Variants in MACROH2A1 observed in about 807,000 individuals in gnomAD.
MACROH2A1 encodes core histone macro-H2A.1.
Under a neutral mutation model 31.6 loss-of-function variants are expected in MACROH2A1, and 2 were observed. The ratio of observed to expected loss-of-function variants is 0.06; its 90% CI spans 0.03 to 0.20. The LOEUF is 0.20. MACROH2A1 is among the 10% of genes least tolerant of loss of function. The pLI is 1.00. For synonymous variants in MACROH2A1, 169 were observed against 189.6 expected (o/e 0.89, Z 0.89); for missense variants, 230 against 474.0 (o/e 0.49, Z 4.78).
In MACROH2A1 at chr5:135,345,987, C is replaced by A; in HGVS notation, c.759G>T (p.Gly253=). 6.2e-7 allele frequency: 1 copy of A among 1,612,846 alleles called. No homozygotes were observed. The highest frequency in any genetic ancestry group is 8.5e-7 in the Non-Finnish European group (1 of 1,178,786). ...CCTCACCTCCAGCTACTTCCAAGGG[C>A]CCGTTCTTTTTCCGGAGTTCCAGGA... ...EAVLELRKKN[G]PLEVAGAAVS... Residue 253 remains glycine (G), a synonymous_variant, in exon 7 of 9, where the codon GGG becomes GGT. Coordinates refer to ENST00000511689, the MANE Select transcript of MACROH2A1 (RefSeq NM_138610.3).
intron 4 of MACROH2A1, among the ~76,000 whole-genome samples, chr5:135,363,822 C>T (rs1014610278): frequency 1.3e-5 from 2 of 152,226 alleles, no homozygotes; most frequent in African/African-American, 2.4e-5. Context: ...TCTCCACATC[C>T]TCTTCAGCAC....
chr5:135,355,708 C>T (rs373236349), intron 5 of MACROH2A1: 8 of 200,872 alleles, frequency 4.0e-5, no homozygotes, highest in East Asian at 1.3e-4. Flanking sequence ...TGATCATGAA[C>T]GAAGACAGTA....
chr5:135,355,250 C>T (rs1466357712), intron 5 of MACROH2A1: 3 of 455,940 alleles, frequency 6.6e-6, no homozygotes, highest in South Asian at 3.1e-5. Context: ...GCGAACAGAA[C>T]TCAAGCTCAT....
At chr5:135,399,479 A>G (rs545637903), upstream of MACROH2A1, 20 of 152,384 alleles carry the variant, frequency 1.3e-4, no homozygotes, top group African/African-American at 4.6e-4. The surrounding 1 kb of genome is among the most constrained non-coding windows in gnomAD (Gnocchi z 4.5). Context: ...AGGCCCCTGG[A>G]GAGGAGCTTC....
intron 5 of MACROH2A1, chr5:135,354,238 C>T (rs1761917170): frequency 6.6e-6 from 1 of 152,250 alleles, no homozygotes; most frequent in Non-Finnish European, 1.5e-5. Flanking sequence ...GAGCAAGTTG[C>T]TGCATTTCTA....
At chr5:135,357,967 G>A (rs772171739) in intron 5 of MACROH2A1, 32 of 985,304 alleles carry the variant, frequency 3.2e-5, no homozygotes, top group Middle Eastern at 5.2e-4. Flanking sequence ...CAATCTTCAA[G>A]CACTGGTTTC....
At chr5:135,371,976 C>T (rs1440101070) in intron 2 of MACROH2A1, among the ~76,000 whole-genome samples, 3 of 152,178 alleles carry the variant, frequency 2.0e-5, no homozygotes, top group Non-Finnish European at 2.9e-5. Context: ...ATGCAAATAA[C>T]CTGCTGTATG....
chr5:135,335,297 A>G (rs1378015531), intron 8 of MACROH2A1, among the ~76,000 whole-genome samples, 156 bp from the exon 9 acceptor site: 1 of 152,184 alleles, frequency 6.6e-6, no homozygotes, highest in Non-Finnish European at 1.5e-5. Context: ...AGTGTGGGAA[A>G]GCCCAGTGCC....
chr5:135,381,111 C>A, intron 2 of MACROH2A1, among the ~76,000 whole-genome samples: 1 of 152,164 alleles, frequency 6.6e-6, no homozygotes, highest in Admixed American at 6.5e-5. Context: ...AAGGTGGCAT[C>A]TCAGATCACC....
chr5:135,338,484 C>T (rs909444214), intron 8 of MACROH2A1, among the ~76,000 whole-genome samples: 6 of 152,222 alleles, frequency 3.9e-5, no homozygotes, highest in East Asian at 3.9e-4. Flanking sequence ...CTTCCACCCT[C>T]GTCCCTGGGA....
intron 2 of MACROH2A1, among the ~76,000 whole-genome samples, chr5:135,379,335 C>T (rs997326270): frequency 1.3e-5 from 2 of 152,096 alleles, no homozygotes; most frequent in Non-Finnish European, 2.9e-5. Flanking sequence ...ATGGAAGATG[C>T]ACTTGCCTAA....
At chr5:135,393,759 G>T (rs1767577482) in intron 1 of MACROH2A1, among the ~76,000 whole-genome samples, 1 of 152,190 alleles carries the variant, frequency 6.6e-6, no homozygotes, top group South Asian at 2.1e-4. Context: ...CCTTTTGGCT[G>T]TTATTGGCCT....
At chr5:135,343,176 C>A in intron 8 of MACROH2A1, 84 bp downstream of exon 8, 1 of 1,602,864 alleles carries the variant, frequency 6.2e-7, no homozygotes, top group South Asian at 1.1e-5. Context: ...GGGCCTTGCA[C>A]AGAGTGAGAG....
intron 2 of MACROH2A1, among the ~76,000 whole-genome samples, chr5:135,387,567 T>C (rs1462038020): frequency 6.6e-6 from 1 of 152,142 alleles, no homozygotes; most frequent in Non-Finnish European, 1.5e-5. Flanking sequence ...AGAGTACTCT[T>C]TCCTGATCAG....
chr5:135,367,477 C>T (rs1032440917), intron 4 of MACROH2A1, among the ~76,000 whole-genome samples: 1 of 152,218 alleles, frequency 6.6e-6, no homozygotes. Context: ...AAGACACCCC[C>T]ACTCCAAATA....
At chr5:135,355,088 A>G in intron 5 of MACROH2A1, 1 of 456,078 alleles carries the variant, frequency 2.2e-6, no homozygotes, top group Non-Finnish European at 4.4e-6. Context: ...TCATTGGAAA[A>G]GAAGCTATTT....
At chr5:135,377,001 C>G (rs572875966) in intron 2 of MACROH2A1, among the ~76,000 whole-genome samples, 54 of 152,354 alleles carry the variant, frequency 3.5e-4, no homozygotes, top group South Asian at 1.9e-3. Context: ...TGCTGTTATG[C>G]TTAACAGTTA....
chr5:135,365,933 T>C (rs1763448070), intron 4 of MACROH2A1, among the ~76,000 whole-genome samples: 2 of 152,202 alleles, frequency 1.3e-5, no homozygotes, highest in Non-Finnish European at 1.5e-5. Flanking sequence ...TCACCTCAAA[T>C]TGTAATCCCC....
chr5:135,360,701 G>A (rs1356325328), intron 4 of MACROH2A1, 94 bp from the exon 5 acceptor site: 4 of 844,266 alleles, frequency 4.7e-6, no homozygotes, highest in Non-Finnish European at 8.1e-6. Flanking sequence ...ACACCCAAGG[G>A]GAAACAGGAA....
Sources: gnomAD v4.1 joint callset for allele counts (sites outside exome capture counted in the v4.1 genomes callset) on GRCh38, gnomAD v4.1.1 for gene constraint, Gnocchi (gnomAD v3.1) non-coding constraint, MANE v1.5 for transcripts, NCBI Gene and HGNC (gene_info 2026-07-23, HGNC 2026-07-21) for gene names.